The following INPP5F variants were observed in gnomAD, a reference collection of about 807,000 sequenced individuals.
INPP5F encodes the protein inositol polyphosphate-5-phosphatase F, also known as phosphatidylinositide 4-phosphatase SAC2.
A neutral mutation model predicts 137.2 loss-of-function variants in INPP5F; 97 were observed. The observed-to-expected ratio is 0.71, with a 90% CI of 0.60 to 0.84. The LOEUF is 0.84. Ranked by LOEUF, INPP5F falls within the 40% of genes least tolerant of loss-of-function variation. INPP5F has a pLI of 0.00. For missense variants in INPP5F, 1,271 were observed against 1,371.9 expected, an observed-to-expected ratio of 0.93 and a Z score of 1.16; for synonymous variants, 504 against 476.9, an observed-to-expected ratio of 1.06 and a Z score of -0.74.
chr10:119,812,331 A>T (rs1378445264), intron 15 of INPP5F, among the ~76,000 whole-genome samples: 1 of 152,034 alleles, frequency 6.6e-6, no homozygotes, highest in African/African-American at 2.4e-5. Flanking sequence ...TTTATTGGTT[A>T]TAAAGTGGTC....
In INPP5F at chr10:119,806,360, G is replaced by T; in HGVS notation, c.1320G>T (p.Trp440Cys). 6.5e-7 allele frequency: 1 copy of T among 1,532,708 alleles called. No individual in the cohort carries two copies. Among genetic ancestry groups the T allele is most frequent in the Non-Finnish European group, 8.8e-7 (1 of 1,136,176 alleles). 94.9% of individuals were successfully genotyped at this position (1,532,708 alleles called of 1,614,324 possible). ...ATAATTCTGTATTATTTTTAAAAAG[G>T]GTTGATGAAGCTGGGGTAATATGTA... is the stretch of plus-strand genomic sequence containing the variant. ...YDIILDMKWC[W>C]VDEAGVICKQ... is the part of the protein sequence containing the mutation. Residue 440 changes from tryptophan to cysteine, a missense_variant and splice_region_variant, in exon 12 of 20, where the codon TGG (tryptophan) becomes TGT (cysteine). Transcript: ENST00000650623.
At chr10:119,798,927 G>A (rs1179606356) in intron 9 of INPP5F, among the ~76,000 whole-genome samples, 1 of 151,620 alleles carries the variant, frequency 6.6e-6, no homozygotes, top group Non-Finnish European at 1.5e-5. Flanking sequence ...CACTGTGCCC[G>A]GCAGGGTCAG....
chr10:119,820,993 C>CA (rs539776380), intron 16 of INPP5F, 76 bp downstream of exon 16: 2 of 912,792 alleles, frequency 2.2e-6, no homozygotes, highest in Admixed American at 3.8e-5. Flanking sequence ...GAATTCGTAA[C>CA]AAAAAAATGT....
In INPP5F at chr10:119,791,314, T is replaced by G. The variant is rs116920138; in HGVS notation, c.316-203T>G. On this transcript the variant is annotated intron_variant, in intron 3 of 19. Coordinates refer to ENST00000650623, the MANE Select transcript of INPP5F (RefSeq NM_014937.4). ...AATCCTAAGTATATCCTGCCCTGTA[T>G]TCTTTGTGTTTTATCCTCTGCTATA... Among the ~76,000 whole-genome samples the G allele has an allele frequency of 9.9e-3, 1,515 of 152,292 alleles. 10 individuals carry two copies. Among genetic ancestry groups the G allele is most frequent in the Non-Finnish European group, 0.013 (873 of 68,000 alleles).
At chr10:119,746,419 G>A (rs2134117771) in intron 1 of INPP5F, among the ~76,000 whole-genome samples, 1 of 152,292 alleles carries the variant, frequency 6.6e-6, no homozygotes, top group East Asian at 1.9e-4. Context: ...AGGGTTCTGG[G>A]TAGCTGGAGC....
intron 3 of INPP5F, among the ~76,000 whole-genome samples, chr10:119,790,729 G>T (rs1049525095): frequency 1.3e-5 from 2 of 152,200 alleles, no homozygotes; most frequent in Non-Finnish European, 2.9e-5. Context: ...TCTGCATATT[G>T]TTAACAGAAT....
rs775636627 is a variant in INPP5F at position 119,811,905 on chromosome 10, T to G, written c.1836T>G (p.Pro612=). ...LLQSYMKLLL[P]DDEKFHGGWA... ...AAAGTTACATGAAGTTACTACTGCC[T>G]GATGATGAGAAGTTCCATGGGGGCT... Residue 612 remains proline (P), a synonymous_variant, in exon 15 of 20, where the codon CCT becomes CCG. Coordinates refer to ENST00000650623, the MANE Select transcript of INPP5F (RefSeq NM_014937.4). The G allele has an allele frequency of 6.2e-7, 1 of 1,614,202 alleles. No individual in the cohort carries two copies. Among genetic ancestry groups the G allele is most frequent in the Non-Finnish European group, 8.5e-7 (1 of 1,180,024 alleles).
chr10:119,776,984 T>C (rs1849544522), intron 2 of INPP5F, among the ~76,000 whole-genome samples: 1 of 152,076 alleles, frequency 6.6e-6, no homozygotes, highest in Non-Finnish European at 1.5e-5. Flanking sequence ...CTTCTGGGCT[T>C]AAGCGATCCA....
rs139893596 is a variant in INPP5F at position 119,802,868 on chromosome 10, C to T, written c.1117-1305C>T. Among the ~76,000 whole-genome samples the T allele has an allele frequency of 4.6e-5, 7 of 152,218 alleles. No individual in the cohort carries two copies. In the East Asian group the frequency reaches 7.7e-4, roughly 17 times the overall value. On this transcript the variant is annotated intron_variant, in intron 9 of 19. Transcript: ENST00000650623. ...CCATTTCCTCACATATTGACCAGTG[C>T]GGTCTGTGTTTAGTATTCACGTTTG...
chr10:119,750,356 A>G (rs1019606030), intron 1 of INPP5F, among the ~76,000 whole-genome samples: 7 of 151,678 alleles, frequency 4.6e-5, no homozygotes, highest in African/African-American at 9.7e-5. Context: ...ACCTTTTGCA[A>G]TCTGGGCCAC....
intron 6 of INPP5F, among the ~76,000 whole-genome samples, chr10:119,795,201 A>G (rs1160763066): frequency 1.6e-4 from 15 of 93,554 alleles, no homozygotes; most frequent in African/African-American, 3.8e-4. Flanking sequence ...CAGAAGGGGC[A>G]GCCGGGCAGA....
intron 9 of INPP5F, among the ~76,000 whole-genome samples, chr10:119,803,513 T>C (rs942217219): frequency 1.3e-5 from 2 of 152,250 alleles, no homozygotes; most frequent in Admixed American, 6.5e-5. Context: ...TACGCTAGTA[T>C]GACAGTTTTA....
chr10:119,813,317 T>G (rs1851120419), intron 15 of INPP5F, among the ~76,000 whole-genome samples: 1 of 152,180 alleles, frequency 6.6e-6, no homozygotes, highest in Admixed American at 6.5e-5. Flanking sequence ...TTGCAAAGAT[T>G]CATAAAAACA....
chr10:119,802,339 T>G (rs1850622280), intron 9 of INPP5F, among the ~76,000 whole-genome samples: 1 of 152,198 alleles, frequency 6.6e-6, no homozygotes, highest in African/African-American at 2.4e-5. Flanking sequence ...AAAGAACCTG[T>G]GTCCTTAATG....
intron 15 of INPP5F, among the ~76,000 whole-genome samples, chr10:119,813,541 C>G (rs1025482494): frequency 2.0e-5 from 3 of 152,158 alleles, no homozygotes; most frequent in South Asian, 4.2e-4. Flanking sequence ...GAGAGGAACT[C>G]AAGAGCCCAG....
At chr10:119,771,059 G>T (rs1233186107) in intron 2 of INPP5F, among the ~76,000 whole-genome samples, 1 of 151,946 alleles carries the variant, frequency 6.6e-6, no homozygotes. Context: ...GAACATTTTC[G>T]GCATCCAAGA....
rs778054018 is a variant in INPP5F at position 119,781,682 on chromosome 10, A to AG, written c.226_227insG (p.Lys76ArgfsTer7). 1 of 1,612,894 alleles carries AG rather than the reference A, an allele frequency of 6.2e-7. No homozygotes were observed. Among genetic ancestry groups the AG allele is most frequent in the South Asian group, 1.1e-5 (1 of 90,854 alleles). ...AATTCGGCAGAAAGCATTGGTGGGCAAACTCCCAGGAGACCATGAGGTCTG... is the reference window on the plus strand; with the variant it reads ...AATTCGGCAGAAAGCATTGGTGGGCAGAACTCCCAGGAGACCATGAGGTCTG... On this transcript the variant is annotated frameshift_variant, in exon 3 of 20. Coordinates refer to ENST00000650623, the MANE Select transcript of INPP5F (RefSeq NM_014937.4). LOFTEE classifies it high-confidence loss of function.
chr10:119,770,022 C>A (rs893343024), intron 2 of INPP5F, among the ~76,000 whole-genome samples: 1 of 152,088 alleles, frequency 6.6e-6, no homozygotes, highest in African/African-American at 2.4e-5. Flanking sequence ...AGTTGCTCAT[C>A]TCCTTTTAAG....
chr10:119,788,163 A>G (rs1003439035), intron 3 of INPP5F, among the ~76,000 whole-genome samples: 6 of 152,178 alleles, frequency 3.9e-5, no homozygotes, highest in African/African-American at 1.4e-4. Context: ...ATACCAGAGA[A>G]GGAACAATAT....
Sources: gnomAD v4.1 joint callset for allele counts (sites outside exome capture counted in the v4.1 genomes callset) on GRCh38, gnomAD v4.1.1 for gene constraint, MANE v1.5 for transcripts, NCBI Gene and HGNC (gene_info 2026-07-23, HGNC 2026-07-21) for gene names.